RIOX2: variants seen among roughly 807,000 people sequenced by gnomAD.
RIOX2 encodes 60S ribosomal protein L27a histidine hydroxylase.
Under a neutral mutation model 51.2 loss-of-function variants are expected in RIOX2, and 43 were observed. The ratio of observed to expected loss-of-function variants is 0.84; its 90% confidence interval spans 0.66 to 1.08. The LOEUF (loss-of-function observed/expected upper bound fraction) is 1.08. RIOX2 is among the 50% of genes least tolerant of loss of function. RIOX2 has a pLI of 0.00. For missense variants in RIOX2, 566 were observed against 561.7 expected (o/e 1.01, Z -0.08); for synonymous variants, 226 against 218.5 (o/e 1.03, Z -0.30).
chr3:97,967,102 T>G, intron 2 of RIOX2, 60 bp downstream of exon 2: 1 of 1,542,566 alleles, frequency 6.5e-7, no homozygotes, highest in Non-Finnish European at 8.8e-7. Flanking sequence ...TGAGCTGATA[T>G]GTGGCCAAAT....
rs555901145 is a variant in RIOX2, at chr3:97,954,971, T to C, written c.682-476A>G. 8.5e-5 allele frequency among the ~76,000 whole-genome samples: 13 copies of C among 152,316 alleles called. No individual in the cohort carries two copies. The South Asian group carries it at 1.5e-3, about 17-fold the overall frequency. On this transcript the variant is annotated intron_variant, in intron 4 of 9. Coordinates refer to ENST00000394198, the MANE Select transcript of RIOX2 (RefSeq NM_153182.4). Reference sequence around the variant, plus strand: ...TCTTTATCTGTAAAATGAAGTTTAATAGCCCCAAACCTTACAGGATTATTT... The same window carrying C: ...TCTTTATCTGTAAAATGAAGTTTAACAGCCCCAAACCTTACAGGATTATTT...
Position 97,950,816 on chromosome 3 carries a change from T to C in RIOX2, c.858A>G (p.Leu286=). 6.2e-7 allele frequency: 1 copy of C among 1,613,792 alleles called. No homozygotes were observed. Residue 286 remains leucine (L), a synonymous_variant, in exon 6 of 10, where the codon TTA becomes TTG. Transcript: ENST00000394198. ...VFDTAKEDVE[L]RTGIPRQLLL... is the part of the protein sequence containing the mutation. ...GCAGCTGCCGGGGTATGCCGGTCCG[T>C]AACTCCACGTCTTCCTTTGCAGTAT...
At chr3:97,946,760 A>G (rs1460368684) in intron 8 of RIOX2, among the ~76,000 whole-genome samples, 2 of 151,796 alleles carry the variant, frequency 1.3e-5, no homozygotes, top group African/African-American at 4.8e-5. Context: ...AGGTGGAGCC[A>G]TATGGTATGA....
intron 5 of RIOX2, among the ~76,000 whole-genome samples, chr3:97,953,694 T>G (rs1705333283): frequency 6.6e-6 from 1 of 152,184 alleles, no homozygotes; most frequent in South Asian, 2.1e-4. Context: ...TGATTAGTAT[T>G]TTTAAATATG....
chr3:97,955,566 T>C (rs1480023161), intron 4 of RIOX2, among the ~76,000 whole-genome samples: 1 of 152,146 alleles, frequency 6.6e-6, no homozygotes, highest in African/African-American at 2.4e-5. Context: ...TATATCATGA[T>C]ATATATTCAT....
Position 97,942,296 on chromosome 3 carries a change from T to C in RIOX2, c.*2888A>G. ...TTAACCCTTTTAGGCCAGTGATACA[T>C]GTCTTGATGTGATTGGTGGCCGGGA... On this transcript the variant is annotated 3_prime_UTR_variant, in exon 10 of 10. Coordinates refer to ENST00000394198, the MANE Select transcript of RIOX2 (RefSeq NM_153182.4). 1 of 1,607,360 alleles carries C rather than the reference T, an allele frequency of 6.2e-7. No individual in the cohort carries two copies. The highest frequency in any genetic ancestry group is 2.2e-5 in the East Asian group (1 of 44,778).
In RIOX2 at chr3:97,961,560, A is replaced by G. The variant is rs755272866; in HGVS notation, c.552+29T>C. On this transcript the variant is annotated intron_variant, in intron 3 of 9. Transcript: ENST00000394198. Reference sequence around the variant, plus strand: ...AGGCTCTCAACAACTCATTCTTCCCAACATGGGGCAATTTTCTCCATCTCT... The same window carrying G: ...AGGCTCTCAACAACTCATTCTTCCCGACATGGGGCAATTTTCTCCATCTCT... 9 of 1,577,430 alleles carry G rather than the reference A, an allele frequency of 5.7e-6. No individual in the cohort carries two copies. In the African/African-American group the frequency reaches 1.2e-4, roughly 22 times the overall value.
In RIOX2 at chr3:97,945,198, T is replaced by C; in HGVS notation, c.1384A>G (p.Ile462Val). The change falls in exon 10 of 10, where the codon ATT becomes GTT. Residue 462 changes from isoleucine to valine, a missense_variant. Coordinates refer to ENST00000394198, the MANE Select transcript of RIOX2 (RefSeq NM_153182.4). ...CTGCAAAGGCACTAGACTACTTGAA[T>C]TAAACATTCTGTCCAGAGGGATAAT... ...LVLSLWTECLIQVV is the reference protein window; with the variant it reads ...LVLSLWTECLVQVV 1 of 1,609,854 alleles carries C rather than the reference T, an allele frequency of 6.2e-7. No homozygotes were observed. The highest frequency in any genetic ancestry group is 1.1e-5 in the South Asian group (1 of 90,160).
intron 3 of RIOX2, 127 bp from the exon 4 acceptor site, chr3:97,959,306 G>GTT (rs67345115): frequency 0.06 from 13,921 of 233,318 alleles, 75 homozygotes; most frequent in South Asian, 0.078. Context: ...AACAACACAG[G>GTT]TTTTTTTTTT....
intron 4 of RIOX2, among the ~76,000 whole-genome samples, chr3:97,957,495 T>A (rs866429211): frequency 3.0e-5 from 4 of 131,176 alleles, no homozygotes; most frequent in East Asian, 2.2e-4. Flanking sequence ...GACTCTGTCT[T>A]AAAAAAAAAA....
chr3:97,964,047 C>T (rs1212794577), intron 2 of RIOX2, among the ~76,000 whole-genome samples: 1 of 152,130 alleles, frequency 6.6e-6, no homozygotes, highest in Non-Finnish European at 1.5e-5. Context: ...ACAAACAAGG[C>T]TCCTGAAACC....
rs1466290135 is a variant in RIOX2 at position 97,942,144 on chromosome 3, TTATAC to T, written c.*3035_*3039del. 1 of 586,556 alleles carries T rather than the reference TTATAC, an allele frequency of 1.7e-6. No individual in the cohort carries two copies. The highest frequency in any genetic ancestry group is 2.6e-6 in the Non-Finnish European group (1 of 378,416). 36.3% of individuals were successfully genotyped at this position (586,556 alleles called of 1,614,324 possible). On this transcript the variant is annotated 3_prime_UTR_variant, in exon 10 of 10. Coordinates refer to ENST00000394198, the MANE Select transcript of RIOX2 (RefSeq NM_153182.4). ...AGACATTAAAAAAGGCTTACTGAAA[TTATAC>T]TATATAGTATTTTTTTAGATAAGAC... is the stretch of plus-strand genomic sequence containing the variant.
At chr3:97,958,046 A>C (rs966739524) in intron 4 of RIOX2, among the ~76,000 whole-genome samples, 7 of 152,228 alleles carry the variant, frequency 4.6e-5, no homozygotes, top group Non-Finnish European at 2.9e-5. Context: ...CATAAAAAAA[A>C]CCAGTAAGGT....
intron 5 of RIOX2, chr3:97,952,031 A>G: frequency 2.0e-6 from 1 of 499,770 alleles, no homozygotes; most frequent in South Asian, 1.5e-5. Flanking sequence ...CCCACAATTT[A>G]GGAATATCTC....
At chr3:97,947,957 A>T (rs1056244905) in intron 7 of RIOX2, among the ~76,000 whole-genome samples, 3 of 151,252 alleles carry the variant, frequency 2.0e-5, no homozygotes, top group Non-Finnish European at 3.0e-5. Context: ...TCCACAGAAA[A>T]TTTTTTTTTT....
intron 7 of RIOX2, among the ~76,000 whole-genome samples, chr3:97,947,720 G>A (rs1169445211): frequency 1.3e-5 from 2 of 152,106 alleles, no homozygotes; most frequent in African/African-American, 4.8e-5. Context: ...TAATACCATC[G>A]AAGTACAGTG....
chr3:97,946,681 T>TC (rs2040375604), intron 8 of RIOX2, among the ~76,000 whole-genome samples: 1 of 150,754 alleles, frequency 6.6e-6, no homozygotes, highest in Non-Finnish European at 1.5e-5. Flanking sequence ...TCGAGACATG[T>TC]TGAGTGCCCC....
rs756316810 is a variant in RIOX2, at chr3:97,967,317, C to G, written c.277G>C (p.Gly93Arg). 6 of 1,614,194 alleles carry G rather than the reference C, an allele frequency of 3.7e-6. No homozygotes were observed. The South Asian group carries it at 6.6e-5, about 18-fold the overall frequency. ...TTCACATCTCTTCCATAGTACATCCCCCGGCTGCACAGACTCTTCAGATCT... is the reference window on the plus strand; with the variant it reads ...TTCACATCTCTTCCATAGTACATCCGCCGGCTGCACAGACTCTTCAGATCT... ...LTDLKSLCSR[G>R]MYYGRDVNVC... The change falls in exon 2 of 10, where the codon GGG (glycine) becomes CGG (arginine). Residue 93 changes from glycine (G) to arginine (R), a missense_variant. Transcript: ENST00000394198.
chr3:97,951,027 A>C lies in RIOX2; in HGVS notation c.786-139T>G, dbSNP rs148054823. ...CTGTCCAGGCATTTTGAGTTCCATT[A>C]ATTGGACATTACTCAGCATGGAAAT... On this transcript the variant is annotated intron_variant, in intron 5 of 9. Transcript: ENST00000394198. The C allele has an allele frequency of 6.7e-4, 423 of 629,272 alleles. No individual in the cohort carries two copies. In the African/African-American group the frequency reaches 6.8e-3, roughly 10 times the overall value. The allele number at this position is 629,272 out of a possible 1,614,324, so 39.0% of individuals were successfully genotyped here. A position where few individuals can be genotyped will look rare whatever the true frequency, so the allele number is the denominator to read the frequency against.
Sources: gnomAD v4.1 joint callset for allele counts (sites outside exome capture counted in the v4.1 genomes callset) on GRCh38, gnomAD v4.1.1 for gene constraint, MANE v1.5 for transcripts, NCBI Gene and HGNC (gene_info 2026-07-23, HGNC 2026-07-21) for gene names.